Variants in MARCHF8 observed in about 807,000 individuals in gnomAD.
MARCHF8 encodes the protein membrane associated ring-CH-type finger 8.
MARCHF8 carries 40 observed loss-of-function variants against 51.6 expected under a neutral mutation model. That is an observed-to-expected ratio of 0.77 (90% confidence interval 0.60 to 1.01). The LOEUF (loss-of-function observed/expected upper bound fraction) is 1.01. MARCHF8 is among the 50% of genes least tolerant of loss of function. The pLI, the probability that MARCHF8 is intolerant of heterozygous loss-of-function variation, is 0.00. For missense variants in MARCHF8, 685 were observed against 708.6 expected (o/e 0.97, Z 0.38); for synonymous variants, 263 against 280.3 (o/e 0.94, Z 0.62).
At chr10:45,505,749 G>A (rs2043368290) in intron 2 of MARCHF8, among the ~76,000 whole-genome samples, 1 of 152,202 alleles carries the variant, frequency 6.6e-6, no homozygotes, top group Non-Finnish European at 1.5e-5. Flanking sequence ...TAATCTTTGT[G>A]AATGGTTTAA....
rs757509593 is a variant in MARCHF8 at position 45,459,247 on chromosome 10, C to G, written c.1290G>C (p.Thr430=). ...PLRKWEKLQM[T]SSERRKIMCS... ...ACATGATCTTCCTGCGCTCGCTGGA[C>G]GTCATCTGCAACTTCTCCCACTAGA... Residue 430 remains threonine (T), a synonymous_variant, in exon 7 of 8, where the codon ACG becomes ACC. Coordinates refer to ENST00000453424, the MANE Select transcript of MARCHF8 (RefSeq NM_001282866.2). 8 of 1,613,858 alleles carry G rather than the reference C, an allele frequency of 5.0e-6. 1 individual carries two copies. The highest frequency in any genetic ancestry group is 1.7e-6 in the Non-Finnish European group (2 of 1,179,952).
At chr10:45,481,091 T>C (rs544836857) in intron 3 of MARCHF8, among the ~76,000 whole-genome samples, 1 of 152,340 alleles carries the variant, frequency 6.6e-6, no homozygotes, top group Non-Finnish European at 1.5e-5. Context: ...GGAGATCACT[T>C]TGGAGCTTTA....
intron 1 of MARCHF8, among the ~76,000 whole-genome samples, chr10:45,582,370 C>T (rs1257039399): frequency 6.6e-6 from 1 of 152,194 alleles, no homozygotes; most frequent in Admixed American, 6.5e-5. Context: ...TACAGCAGCC[C>T]TTCAAGTTTC....
At chr10:45,542,998 C>T (rs549143990) in intron 1 of MARCHF8, among the ~76,000 whole-genome samples, 5 of 152,350 alleles carry the variant, frequency 3.3e-5, no homozygotes, top group African/African-American at 1.2e-4. Context: ...GTGGTCTACA[C>T]TCACATTCAA....
chr10:45,505,154 G>A (rs2043357043), intron 2 of MARCHF8, among the ~76,000 whole-genome samples: 3 of 152,104 alleles, frequency 2.0e-5, no homozygotes, highest in Admixed American at 2.0e-4. Flanking sequence ...ATCAAGACCC[G>A]CCTTGATGGC....
upstream of MARCHF8, among the ~76,000 whole-genome samples, chr10:45,538,867 G>A (rs1245213537): frequency 6.6e-6 from 1 of 152,098 alleles, no homozygotes; most frequent in Non-Finnish European, 1.5e-5. Flanking sequence ...CAGTAATAAT[G>A]GGAAAGTTTT....
intron 1 of MARCHF8, among the ~76,000 whole-genome samples, chr10:45,553,829 A>C (rs1314245654): frequency 9.1e-5 from 11 of 121,194 alleles, no homozygotes; most frequent in Non-Finnish European, 2.0e-4. Context: ...ACATGCATGG[A>C]CATGCACACA....
chr10:45,534,485 T>C (rs747604408), intron 1 of MARCHF8, among the ~76,000 whole-genome samples: 8 of 152,208 alleles, frequency 5.3e-5, no homozygotes, highest in Non-Finnish European at 1.0e-4. Flanking sequence ...AAATGTCTAA[T>C]AATTGAATTG....
chr10:45,466,378 C>T (rs1804744229), intron 3 of MARCHF8, among the ~76,000 whole-genome samples: 1 of 152,202 alleles, frequency 6.6e-6, no homozygotes, highest in Admixed American at 6.5e-5. Context: ...GTCATGAAGA[C>T]CAAAGCCTGA....
chr10:45,468,796 T>C (rs1428423577), intron 3 of MARCHF8, among the ~76,000 whole-genome samples: 1 of 152,152 alleles, frequency 6.6e-6, no homozygotes, highest in East Asian at 1.9e-4. Flanking sequence ...TACAATGAGA[T>C]ACCATTATCA....
At chr10:45,464,154 C>T (rs781678043) in intron 4 of MARCHF8, 85 bp downstream of exon 4, 4 of 1,570,036 alleles carry the variant, frequency 2.5e-6, no homozygotes, top group Non-Finnish European at 2.6e-6. Flanking sequence ...ATTGATTAAG[C>T]AAATGGAAAT....
chr10:45,516,954 C>A (rs1449952698), intron 2 of MARCHF8, among the ~76,000 whole-genome samples: 1 of 152,212 alleles, frequency 6.6e-6, no homozygotes, highest in Non-Finnish European at 1.5e-5. Context: ...ATTCACTCTG[C>A]TAAAATATAT....
intron 3 of MARCHF8, among the ~76,000 whole-genome samples, chr10:45,484,859 C>G (rs921172729): frequency 3.3e-5 from 5 of 152,132 alleles, no homozygotes; most frequent in African/African-American, 1.2e-4. Flanking sequence ...GGGGATATTG[C>G]ACAGGATCAG....
intron 3 of MARCHF8, among the ~76,000 whole-genome samples, chr10:45,466,803 C>G (rs1229361890): frequency 6.6e-6 from 1 of 152,146 alleles, no homozygotes; most frequent in Non-Finnish European, 1.5e-5. Context: ...CAGTACTAAA[C>G]TACAAGTAAT....
At chr10:45,512,764 C>T (rs910916899) in intron 2 of MARCHF8, among the ~76,000 whole-genome samples, 3 of 151,774 alleles carry the variant, frequency 2.0e-5, no homozygotes, top group African/African-American at 7.3e-5. Flanking sequence ...ACGACAATGG[C>T]GGTTTTGTGG....
At chr10:45,511,864 C>T (rs1337576185) in intron 2 of MARCHF8, among the ~76,000 whole-genome samples, 22 of 151,740 alleles carry the variant, frequency 1.4e-4, no homozygotes, top group African/African-American at 4.4e-4. Flanking sequence ...TCTGCCTGGC[C>T]GCCCATCGTC....
Position 45,526,550 on chromosome 10 carries a change from G to A in MARCHF8, c.102+6560C>T, listed in dbSNP as rs1006369515. On this transcript the variant is annotated intron_variant, in intron 2 of 7. Transcript: ENST00000453424. ...AGCCAACAAGCCAGGCTGAAGAGAG[G>A]AGGCCAGGCACTTTTACACAACCAC... 2.6e-5 allele frequency among the ~76,000 whole-genome samples: 4 copies of A among 152,196 alleles called. No homozygotes were observed. In the South Asian group the frequency reaches 8.3e-4, roughly 32 times the overall value.
intron 2 of MARCHF8, among the ~76,000 whole-genome samples, chr10:45,496,548 C>T (rs530140782): frequency 6.6e-6 from 1 of 152,160 alleles, no homozygotes; most frequent in East Asian, 1.9e-4. Context: ...GGAGTGCTAA[C>T]TTTAAAATAA....
At chr10:45,570,714 T>C (rs34670342) in intron 1 of MARCHF8, among the ~76,000 whole-genome samples, 9,396 of 152,306 alleles carry the variant, frequency 0.062, 331 homozygotes, top group Non-Finnish European at 0.067. Flanking sequence ...CAAACAAATT[T>C]TTAAGAATTA....
Sources: allele counts gnomAD v4.1 joint callset (sites outside exome capture counted in the v4.1 genomes callset), GRCh38; gene constraint gnomAD v4.1.1; transcripts MANE v1.5; gene names NCBI Gene and HGNC (gene_info 2026-07-23, HGNC 2026-07-21).